The following CUL1 variants were observed in gnomAD, a reference collection of about 807,000 sequenced individuals.
CUL1 encodes cullin-1.
Under a neutral mutation model 118.0 loss-of-function variants are expected in CUL1, and 24 were observed. The observed-to-expected ratio is 0.20, with a 90% confidence interval of 0.15 to 0.29. The LOEUF is 0.29. CUL1 is among the 10% of genes least tolerant of loss of function. The pLI, the probability that CUL1 is intolerant of heterozygous loss-of-function variation, is 1.00. For synonymous variants in CUL1, 332 were observed against 340.4 expected (o/e 0.98, Z 0.27); for missense variants, 361 against 933.8 (o/e 0.39, Z 7.99).
chr7:148,764,740 T>G (rs1799948992), intron 7 of CUL1, among the ~76,000 whole-genome samples: 1 of 152,246 alleles, frequency 6.6e-6, no homozygotes, highest in Non-Finnish European at 1.5e-5. Context: ...GCAGCATTTA[T>G]TGTTTTAAAA....
intron 2 of CUL1, among the ~76,000 whole-genome samples, chr7:148,744,698 T>A (rs1345207944): frequency 6.6e-6 from 1 of 152,214 alleles, no homozygotes; most frequent in Non-Finnish European, 1.5e-5. Flanking sequence ...ACCCAGATAC[T>A]TACTGTTTCT....
chr7:148,798,600 C>G lies in CUL1; in HGVS notation c.2059C>G (p.Pro687Ala). Residue 687 changes from proline to alanine, a missense_variant, in exon 20 of 22, where the codon CCA becomes GCA. Pro to Ala is a conservative substitution (Grantham distance 27). Transcript: ENST00000325222. ...GAAATTAAGGGTTAACATCAATGTGCCAATGAAAACCGAACAGAAGCAGGA... is the reference window on the plus strand; with the variant it reads ...GAAATTAAGGGTTAACATCAATGTGGCAATGAAAACCGAACAGAAGCAGGA... Reference protein sequence around the residue: ...NKKLRVNINVPMKTEQKQEQE... With the variant: ...NKKLRVNINVAMKTEQKQEQE... 1 of 1,613,834 alleles carries G rather than the reference C, an allele frequency of 6.2e-7. No homozygotes were observed. Among genetic ancestry groups the G allele is most frequent in the Non-Finnish European group, 8.5e-7 (1 of 1,179,742 alleles).
At chr7:148,737,571 T>TATATA (rs1554465923) in intron 2 of CUL1, among the ~76,000 whole-genome samples, 1 of 113,692 alleles carries the variant, frequency 8.8e-6, no homozygotes, top group East Asian at 2.2e-4. Context: ...TATATATATA[T>TATATA]TTTTATATTT....
At position 148,800,378 on chromosome 7, in the gene CUL1, A is replaced by G. The variant is rs1259622571; in HGVS notation, c.2251-124A>G. On this transcript the variant is annotated intron_variant, in intron 21 of 21. Coordinates refer to ENST00000325222, the MANE Select transcript of CUL1 (RefSeq NM_003592.3). The surrounding 1 kb of genome is among the most constrained non-coding windows in gnomAD (Gnocchi z 4.6). ...ATGCTAACAGATCTGGGGCGGGGAC[A>G]CTGCTCCCCACTGAGCTCCGAATCA... The G allele has an allele frequency of 1.8e-5, 13 of 720,290 alleles. No individual in the cohort carries two copies. Among genetic ancestry groups the G allele is most frequent in the Non-Finnish European group, 2.6e-5 (11 of 417,862 alleles). The allele number at this position is 720,290 out of a possible 1,614,324, so 44.6% of individuals were successfully genotyped here.
chr7:148,711,272 G>C (rs942530328), intron 1 of CUL1, among the ~76,000 whole-genome samples: 9 of 152,200 alleles, frequency 5.9e-5, no homozygotes, highest in Non-Finnish European at 1.2e-4. Flanking sequence ...GTAATAGCTA[G>C]TAAGGAAATT....
In CUL1 at chr7:148,800,690, T is replaced by C. The variant is rs1012781313; in HGVS notation, c.*108T>C. On this transcript the variant is annotated 3_prime_UTR_variant, in exon 22 of 22. Transcript: ENST00000325222. This position sits in a 1 kb window ranked among gnomAD's most constrained non-coding sequence, Gnocchi z 4.6. ...CCAGCCTGCCGCCATTGGACCTCCC[T>C]TTTAAAAACTGAGACCAAGACTCCC... 4 of 796,186 alleles carry C rather than the reference T, an allele frequency of 5.0e-6. No homozygotes were observed. The highest frequency in any genetic ancestry group is 8.3e-6 in the Non-Finnish European group (4 of 483,180). 49.3% of individuals were successfully genotyped at this position (796,186 alleles called of 1,614,324 possible). A position where few individuals can be genotyped will look rare whatever the true frequency, so the allele number is the denominator to read the frequency against.
At chr7:148,700,920 GA>G (rs1013899016) in intron 1 of CUL1, among the ~76,000 whole-genome samples, 1 of 152,110 alleles carries the variant, frequency 6.6e-6, no homozygotes, top group African/African-American at 2.4e-5. Flanking sequence ...CACATCAGAA[GA>G]CAGACACGCA....
chr7:148,794,826 G>T (rs941379291), intron 17 of CUL1, among the ~76,000 whole-genome samples: 19 of 152,038 alleles, frequency 1.2e-4, no homozygotes, highest in African/African-American at 4.6e-4. Context: ...ATTATAAATG[G>T]AATTGGTTTT....
chr7:148,798,538 T>C, intron 19 of CUL1, 34 bp from the exon 20 acceptor site: 2 of 1,510,026 alleles, frequency 1.3e-6, no homozygotes, highest in South Asian at 1.1e-5. Flanking sequence ...CCTTTTAATA[T>C]AATAGTGATC....
intron 2 of CUL1, among the ~76,000 whole-genome samples, chr7:148,732,265 C>A (rs1222036869): frequency 6.6e-6 from 1 of 151,888 alleles, no homozygotes; most frequent in Non-Finnish European, 1.5e-5. Flanking sequence ...AAGGAGGTGT[C>A]ATTGTTGATC....
intron 9 of CUL1, among the ~76,000 whole-genome samples, chr7:148,771,864 C>T (rs1800224451): frequency 1.3e-5 from 2 of 152,000 alleles, no homozygotes; most frequent in African/African-American, 4.8e-5. Flanking sequence ...CCTCCATTCA[C>T]TTAGTGAGGC....
intron 9 of CUL1, among the ~76,000 whole-genome samples, chr7:148,769,970 G>A (rs1223443686): frequency 6.6e-6 from 1 of 152,218 alleles, no homozygotes; most frequent in African/African-American, 2.4e-5. Context: ...CCAAAGTAAG[G>A]TGCTAAATTG....
intron 2 of CUL1, among the ~76,000 whole-genome samples, chr7:148,736,333 C>T (rs1362115589): frequency 6.6e-6 from 1 of 152,192 alleles, no homozygotes; most frequent in Non-Finnish European, 1.5e-5. Flanking sequence ...GAGTCTTGCC[C>T]TTTCACCTAG....
chr7:148,739,878 T>G (rs1799085171), intron 2 of CUL1, among the ~76,000 whole-genome samples: 1 of 152,212 alleles, frequency 6.6e-6, no homozygotes, highest in African/African-American at 2.4e-5. Context: ...GTGATCCACC[T>G]GGAGTTAACT....
intron 2 of CUL1, among the ~76,000 whole-genome samples, chr7:148,740,296 C>G (rs765130538): frequency 6.6e-6 from 1 of 152,122 alleles, no homozygotes; most frequent in Non-Finnish European, 1.5e-5. Context: ...CTCCAGTAAT[C>G]CACCTACCTC....
chr7:148,749,947 G>A (rs1799434888), intron 2 of CUL1, among the ~76,000 whole-genome samples: 1 of 152,224 alleles, frequency 6.6e-6, no homozygotes. Flanking sequence ...CATATTGCTG[G>A]TAAGGAGAAA....
intron 7 of CUL1, among the ~76,000 whole-genome samples, chr7:148,762,539 G>C (rs548781230): frequency 6.6e-6 from 1 of 152,256 alleles, no homozygotes; most frequent in African/African-American, 2.4e-5. Flanking sequence ...ATGAACTTTT[G>C]AAACAGTCTG....
At chr7:148,782,963 G>C (rs953720682) in intron 9 of CUL1, among the ~76,000 whole-genome samples, 1 of 152,068 alleles carries the variant, frequency 6.6e-6, no homozygotes, top group Admixed American at 6.5e-5. Flanking sequence ...TTTCCTGGCA[G>C]TGTGCTTAGC....
intron 17 of CUL1, among the ~76,000 whole-genome samples, chr7:148,796,204 G>A (rs909453323): frequency 1.3e-5 from 2 of 152,148 alleles, no homozygotes; most frequent in Non-Finnish European, 2.9e-5. Context: ...ATGCAAGAGT[G>A]TTGTATTTTG....
Sources: allele counts gnomAD v4.1 joint callset (sites outside exome capture counted in the v4.1 genomes callset), GRCh38; gene constraint gnomAD v4.1.1; non-coding constraint Gnocchi (gnomAD v3.1); transcripts MANE v1.5; gene names NCBI Gene and HGNC (gene_info 2026-07-23, HGNC 2026-07-21).